Variants in CTBP2 observed in about 807,000 individuals in gnomAD.
The protein encoded by CTBP2 is C-terminal-binding protein 2.
A neutral mutation model predicts 80.3 loss-of-function variants in CTBP2; 30 were observed. That is an observed-to-expected ratio of 0.37 (90% CI 0.28 to 0.51). The LOEUF (loss-of-function observed/expected upper bound fraction) is 0.51, where lower values mean the gene tolerates loss of function less well. CTBP2 is among the 20% of genes least tolerant of loss of function. The pLI, the probability that CTBP2 is intolerant of heterozygous loss-of-function variation, is 0.93. For missense variants in CTBP2, 1,212 were observed against 1,375.3 expected (o/e 0.88, Z 1.88); for synonymous variants, 594 against 587.4 (o/e 1.01, Z -0.16).
chr10:125,038,054 G>C lies in CTBP2; in HGVS notation c.58+943C>G, dbSNP rs1291112952. On this transcript the variant is annotated intron_variant, in intron 3 of 10. Coordinates refer to the CTBP2 transcript ENST00000337195. ...CTTATACTGAACCCCAGGAATGTCA[G>C]TGCTTTTGTGTTCTTGCAGCGCAGA... 2.0e-5 allele frequency among the ~76,000 whole-genome samples: 3 copies of C among 152,202 alleles called. No homozygotes were observed. In the East Asian group the frequency reaches 5.8e-4, roughly 29 times the overall value.
In CTBP2 at chr10:125,026,162, G is replaced by T. The variant is rs201489673; in HGVS notation, c.1598C>A (p.Thr533Lys). ...CACCTTCTGGTACGGTGAGTGAGGCGTGTGGAGGCTCTGGCTGGCCGGCGG... is the reference window on the plus strand; with the variant it reads ...CACCTTCTGGTACGGTGAGTGAGGCTTGTGGAGGCTCTGGCTGGCCGGCGG... The change falls in exon 1 of 9, where the codon ACG becomes AAG. Residue 533 changes from threonine to lysine, a missense_variant. Thr to Lys is a moderately conservative substitution (Grantham distance 78, BLOSUM62 -1). This residue lies in a region of CTBP2 where 848 missense variants were observed against 782.3 expected (regional missense o/e 1.08). Transcript: ENST00000309035. 2.5e-6 allele frequency: 4 copies of T among 1,611,080 alleles called. No individual in the cohort carries two copies. Among genetic ancestry groups the T allele is most frequent in the Admixed American group, 1.7e-5 (1 of 59,920 alleles).
At chr10:125,121,405 T>TG (rs1354238467) in intron 1 of CTBP2, among the ~76,000 whole-genome samples, 1 of 152,250 alleles carries the variant, frequency 6.6e-6, no homozygotes, top group Non-Finnish European at 1.5e-5. Context: ...GGGTTCTATT[T>TG]AATTTTAAAC....
intron 2 of CTBP2, among the ~76,000 whole-genome samples, chr10:125,051,940 C>T (rs558144492): frequency 9.2e-5 from 14 of 152,282 alleles, no homozygotes; most frequent in African/African-American, 2.9e-4. Context: ...CTAAAAGCTA[C>T]GGAGACAGGG....
intron 2 of CTBP2, among the ~76,000 whole-genome samples, chr10:125,085,609 G>A (rs925520566): frequency 5.9e-5 from 9 of 152,150 alleles, no homozygotes; most frequent in East Asian, 1.9e-4. Flanking sequence ...AGTTTTCTGC[G>A]GGCGCTGGAA....
intron 3 of CTBP2, among the ~76,000 whole-genome samples, chr10:125,002,206 AAC>A (rs1254704875): frequency 6.6e-6 from 1 of 152,142 alleles, no homozygotes; most frequent in Non-Finnish European, 1.5e-5. Context: ...GCGTGTTCCA[AAC>A]ACAGAGCAAG....
chr10:124,989,137 C>T lies in CTBP2; in HGVS notation c.*381G>A, dbSNP rs1564984550. ...ACTCAAGTCACAGGATGGGGATTTC[C>T]TCTTAATATTTTTTATTTTGTTGTT... On this transcript the variant is annotated 3_prime_UTR_variant, in exon 9 of 9. Coordinates refer to ENST00000309035, the MANE Select transcript of CTBP2 (RefSeq NM_022802.3). The T allele has an allele frequency of 4.5e-6, 1 of 224,534 alleles. No individual in the cohort carries two copies. The highest frequency in any genetic ancestry group is 8.9e-6 in the Non-Finnish European group (1 of 111,798). The allele number at this position is 224,534 out of a possible 1,614,324, so 13.9% of individuals were successfully genotyped here.
chr10:125,144,492 G>C (rs1858391448), intron 1 of CTBP2, among the ~76,000 whole-genome samples: 1 of 152,214 alleles, frequency 6.6e-6, no homozygotes, highest in African/African-American at 2.4e-5. Flanking sequence ...TAGGTTACCA[G>C]CCTCGCTGAA....
intron 2 of CTBP2, among the ~76,000 whole-genome samples, chr10:125,078,294 A>AAC (rs1554906706): frequency 0.018 from 2,781 of 150,944 alleles, 87 homozygotes; most frequent in African/African-American, 0.062. Context: ...AAAAAAAAAA[A>AAC]AAAAAACCTT....
At chr10:125,119,475 G>T (rs970668354) in intron 1 of CTBP2, among the ~76,000 whole-genome samples, 2 of 152,080 alleles carry the variant, frequency 1.3e-5, no homozygotes, top group Non-Finnish European at 2.9e-5. Context: ...AGCTGTACAG[G>T]GATATGTCAG....
intron 1 of CTBP2, among the ~76,000 whole-genome samples, chr10:125,132,562 A>G (rs1338796091): frequency 6.6e-6 from 1 of 152,182 alleles, no homozygotes; most frequent in African/African-American, 2.4e-5. Context: ...AGCACCTGGT[A>G]GAGTCCTAAT....
In CTBP2 at chr10:125,027,044, G is replaced by A; in HGVS notation, c.716C>T (p.Ala239Val). ...CCCTGTGCTGCCTTCGGGGGCAGCAGCTGAACTGGGGTCCACAACCAGGCA... is the reference window on the plus strand; with the variant it reads ...CCCTGTGCTGCCTTCGGGGGCAGCAACTGAACTGGGGTCCACAACCAGGCA... Residue 239 changes from alanine (A) to valine (V), a missense_variant, in exon 1 of 9, where the codon GCT (alanine) becomes GTT (valine). By Grantham distance (64) the Ala-to-Val change is moderately conservative (BLOSUM62 0). Coordinates refer to ENST00000309035, the MANE Select transcript of CTBP2 (RefSeq NM_022802.3). 2 of 1,613,520 alleles carry A rather than the reference G, an allele frequency of 1.2e-6. No homozygotes were observed. Among genetic ancestry groups the A allele is most frequent in the East Asian group, 2.2e-5 (1 of 44,880 alleles).
At chr10:125,150,187 C>T (rs1859570551) in intron 1 of CTBP2, among the ~76,000 whole-genome samples, 1 of 152,228 alleles carries the variant, frequency 6.6e-6, no homozygotes, top group Non-Finnish European at 1.5e-5. Context: ...GGGAGGGGTG[C>T]ATCCCATGGA....
intron 1 of CTBP2, among the ~76,000 whole-genome samples, chr10:125,142,942 C>T (rs186194551): frequency 6.6e-6 from 1 of 152,316 alleles, no homozygotes; most frequent in East Asian, 1.9e-4. Flanking sequence ...TGAAAGGACA[C>T]GCGAGCTTGA....
chr10:125,077,245 G>C (rs1846406064), intron 2 of CTBP2, among the ~76,000 whole-genome samples: 1 of 152,190 alleles, frequency 6.6e-6, no homozygotes, highest in African/African-American at 2.4e-5. Flanking sequence ...TGTGAATGTA[G>C]GTTTATATAC....
At chr10:125,139,822 C>A (rs1466939186) in intron 1 of CTBP2, among the ~76,000 whole-genome samples, 1 of 152,138 alleles carries the variant, frequency 6.6e-6, no homozygotes, top group South Asian at 2.1e-4. Flanking sequence ...GAACTGCGAC[C>A]CTACTGTGCT....
intron 1 of CTBP2, among the ~76,000 whole-genome samples, chr10:125,145,917 G>A (rs1858688242): frequency 6.6e-6 from 1 of 151,598 alleles, no homozygotes; most frequent in Non-Finnish European, 1.5e-5. Flanking sequence ...TTTTCCAAGT[G>A]AGATTTTTTT....
chr10:125,011,112 A>G (rs1955844100), intron 1 of CTBP2, among the ~76,000 whole-genome samples: 1 of 152,202 alleles, frequency 6.6e-6, no homozygotes, highest in African/African-American at 2.4e-5. Flanking sequence ...AAGGCCTCTG[A>G]GCACCCAGGG....
At chr10:125,009,535 C>T (rs1955632714) in intron 1 of CTBP2, among the ~76,000 whole-genome samples, 1 of 152,230 alleles carries the variant, frequency 6.6e-6, no homozygotes, top group South Asian at 2.1e-4. Context: ...GGCCTGCTCC[C>T]CAATTAAGTG....
At chr10:125,058,735 A>T (rs368422436) in intron 2 of CTBP2, among the ~76,000 whole-genome samples, 1 of 152,148 alleles carries the variant, frequency 6.6e-6, no homozygotes, top group East Asian at 1.9e-4. Context: ...CTCTACTAAA[A>T]ATACAAAAAT....
Sources: allele counts gnomAD v4.1 joint callset (sites outside exome capture counted in the v4.1 genomes callset), GRCh38; gene constraint gnomAD v4.1.1; regional missense constraint gnomAD v4.1.1; transcripts MANE v1.5; gene names NCBI Gene and HGNC (gene_info 2026-07-23, HGNC 2026-07-21).